Variants in BAIAP2L1 observed in about 807,000 individuals in gnomAD.
BAIAP2L1 encodes BAR/IMD domain containing adaptor protein 2 like 1.
In BAIAP2L1, 35 loss-of-function variants were observed where a neutral mutation model predicts 66.3. That is an observed-to-expected ratio of 0.53 (90% CI 0.40 to 0.70). The LOEUF is 0.70. Ranked by LOEUF, BAIAP2L1 falls within the 30% of genes least tolerant of loss-of-function variation. BAIAP2L1 has a pLI of 0.00. For missense variants in BAIAP2L1, 622 were observed against 656.9 expected (o/e 0.95, Z 0.58); for synonymous variants, 269 against 248.7 (o/e 1.08, Z -0.77).
chr7:98,292,915 C>T lies in BAIAP2L1; in HGVS notation c.*606G>A. 1 of 1,401,058 alleles carries T rather than the reference C, an allele frequency of 7.1e-7. No homozygotes were observed. The allele number at this position is 1,401,058 out of a possible 1,614,324, so 86.8% of individuals were successfully genotyped here. A position where few individuals can be genotyped will look rare whatever the true frequency, so the allele number is the denominator to read the frequency against. On this transcript the variant is annotated 3_prime_UTR_variant, in exon 14 of 14. Coordinates refer to ENST00000005260, the MANE Select transcript of BAIAP2L1 (RefSeq NM_018842.5). ...GTGCTACGTGTGGCTGTGATAAGGG[C>T]AGGCAAAGCGTCTTAGCACTCTACA...
In BAIAP2L1 at chr7:98,380,755, T is replaced by TA. The variant is rs1269682331; in HGVS notation, c.52-18324dup. ...CGGTCCGTTTTTTTTTTTTTTTTAATAAAAAAAAAAAGGAACCACCACCAC... is the reference window on the plus strand; with the variant it reads ...CGGTCCGTTTTTTTTTTTTTTTTAATAAAAAAAAAAAAGGAACCACCACCAC... On this transcript the variant is annotated intron_variant, in intron 1 of 13. Transcript: ENST00000005260. 6.5e-3 allele frequency among the ~76,000 whole-genome samples: 749 copies of TA among 114,730 alleles called. 9 individuals are homozygous for TA. The highest frequency in any genetic ancestry group is 0.021 in the African/African-American group (657 of 30,892). The allele number at this position is 114,730 out of a possible 152,430, so 75.3% of individuals were successfully genotyped here.
At chr7:98,301,448 T>C (rs944720081) in intron 12 of BAIAP2L1, among the ~76,000 whole-genome samples, 1 of 150,032 alleles carries the variant, frequency 6.7e-6, no homozygotes, top group Non-Finnish European at 1.5e-5. Flanking sequence ...AATGAAAGCC[T>C]GAAAGCCTTC....
At chr7:98,319,964 C>T (rs1392093900) in intron 5 of BAIAP2L1, 94 bp downstream of exon 5, 1 of 981,466 alleles carries the variant, frequency 1.0e-6, no homozygotes, top group Admixed American at 2.2e-5. Context: ...TCTCTCCTGT[C>T]TGCTGCTGAT....
rs575946500 is a variant in BAIAP2L1, at chr7:98,339,097, T to G, written c.214+15945A>C. Among the ~76,000 whole-genome samples, 64 of 151,744 alleles carry G rather than the reference T, an allele frequency of 4.2e-4. No individual in the cohort carries two copies. The Middle Eastern group carries it at 0.01, about 24-fold the overall frequency. ...TTAAAAAAAAAAAAAAAAAAAGACT[T>G]TGTGTGGGCATATGTTTCATTTCCC... On this transcript the variant is annotated intron_variant, in intron 3 of 13. Coordinates refer to ENST00000005260, the MANE Select transcript of BAIAP2L1 (RefSeq NM_018842.5).
chr7:98,394,671 C>G (rs1803158076), intron 1 of BAIAP2L1, among the ~76,000 whole-genome samples: 1 of 152,180 alleles, frequency 6.6e-6, no homozygotes. Context: ...AATCAATCAG[C>G]AGTTTCTCCT....
At chr7:98,379,836 T>C (rs1213791816) in intron 1 of BAIAP2L1, among the ~76,000 whole-genome samples, 1 of 152,186 alleles carries the variant, frequency 6.6e-6, no homozygotes, top group East Asian at 1.9e-4. Context: ...TGACTCTATT[T>C]ACAAAAAGTA....
chr7:98,302,126 C>T (rs913354038), intron 12 of BAIAP2L1, among the ~76,000 whole-genome samples: 1 of 152,214 alleles, frequency 6.6e-6, no homozygotes, highest in African/African-American at 2.4e-5. Flanking sequence ...CTCCCCAGTG[C>T]TAAGTAAGGA....
Position 98,343,897 on chromosome 7 carries a change from C to A in BAIAP2L1, c.214+11145G>T, listed in dbSNP as rs577668833. ...CACAGCTGTGTTCCAATAAAACTTT[C>A]CTGGCCGGCACAAAGGCTCACGCCT... On this transcript the variant is annotated intron_variant, in intron 3 of 13. Coordinates refer to ENST00000005260, the MANE Select transcript of BAIAP2L1 (RefSeq NM_018842.5). Among the ~76,000 whole-genome samples, 16 of 152,238 alleles carry A rather than the reference C, an allele frequency of 1.1e-4. No individual in the cohort carries two copies. In the South Asian group the frequency reaches 3.3e-3, roughly 32 times the overall value.
chr7:98,384,693 C>CTTTTTTTTTT (rs11413562), intron 1 of BAIAP2L1, among the ~76,000 whole-genome samples: 2 of 118,796 alleles, frequency 1.7e-5, no homozygotes, highest in African/African-American at 3.1e-5. Flanking sequence ...ATCATTCTAC[C>CTTTTTTTTTT]TTTTTTTTTT....
chr7:98,292,236 A>G lies in BAIAP2L1; in HGVS notation c.*1285T>C. On this transcript the variant is annotated 3_prime_UTR_variant, in exon 14 of 14. Transcript: ENST00000005260. The stretch of plus-strand genomic sequence containing the variant: ...AGGAGAGGGGATAAGTCACAGCCCC[A>G]GCACCCAGCAACACACACGGTGAGC... 1 of 245,076 alleles carries G rather than the reference A, an allele frequency of 4.1e-6. No homozygotes were observed. The highest frequency in any genetic ancestry group is 8.1e-6 in the Non-Finnish European group (1 of 122,712). The allele number at this position is 245,076 out of a possible 1,614,324, so 15.2% of individuals were successfully genotyped here. A position where few individuals can be genotyped will look rare whatever the true frequency, so the allele number is the denominator to read the frequency against.
chr7:98,370,428 T>C (rs550121418), intron 1 of BAIAP2L1, among the ~76,000 whole-genome samples: 3 of 152,226 alleles, frequency 2.0e-5, no homozygotes, highest in African/African-American at 7.2e-5. Context: ...TACTGAGTTT[T>C]TAAGCTTGAA....
chr7:98,385,951 C>G, intron 1 of BAIAP2L1: 1 of 1,469,614 alleles, frequency 6.8e-7, no homozygotes, highest in Non-Finnish European at 9.4e-7. Flanking sequence ...TTTTACTTTT[C>G]TAACGAAGAC....
At chr7:98,348,898 C>CT (rs1801936700) in intron 3 of BAIAP2L1, among the ~76,000 whole-genome samples, 2 of 152,264 alleles carry the variant, frequency 1.3e-5, no homozygotes, top group South Asian at 4.1e-4. Context: ...CCGAGCATCT[C>CT]TTAGGTGCCA....
rs538258324 is a variant in BAIAP2L1, at chr7:98,377,921, AG to A, written c.52-15490del. ...GACGGGCGGATCACCTGAGGTCAGGAGTTCGAGACCAGCCTGGCCAACACAT... is the reference window on the plus strand; with the variant it reads ...GACGGGCGGATCACCTGAGGTCAGGATTCGAGACCAGCCTGGCCAACACAT... On this transcript the variant is annotated intron_variant, in intron 1 of 13. Transcript: ENST00000005260. Among the ~76,000 whole-genome samples, 4 of 149,244 alleles carry A rather than the reference AG, an allele frequency of 2.7e-5. No homozygotes were observed. The East Asian group carries it at 8.1e-4, about 30-fold the overall frequency.
chr7:98,369,249 G>A (rs565209993), intron 1 of BAIAP2L1, among the ~76,000 whole-genome samples: 6 of 152,268 alleles, frequency 3.9e-5, no homozygotes, highest in African/African-American at 1.4e-4. Flanking sequence ...TTGGGAGGCC[G>A]AGGGAGGTGG....
rs767359020 is a variant in BAIAP2L1 at position 98,362,436 on chromosome 7, CCAAA to C, written c.52-8_52-5del. On this transcript the variant is annotated splice_polypyrimidine_tract_variant and splice_region_variant and intron_variant, in intron 1 of 13. Transcript: ENST00000005260. Reference sequence around the variant, plus strand: ...GATTGAACTGTTCCATAACATTCTGCCAAACAAACAAAACACACAAATTAATAAA... The same window carrying C: ...GATTGAACTGTTCCATAACATTCTGCCAAACAAAACACACAAATTAATAAA... 3.8e-6 allele frequency: 6 copies of C among 1,590,920 alleles called. No individual in the cohort carries two copies. The highest frequency in any genetic ancestry group is 2.3e-5 in the South Asian group (2 of 85,848).
At chr7:98,321,867 G>A (rs932954338) in intron 3 of BAIAP2L1, among the ~76,000 whole-genome samples, 1 of 152,186 alleles carries the variant, frequency 6.6e-6, no homozygotes, top group African/African-American at 2.4e-5. Context: ...GGAGGCTGAG[G>A]TGGGAGTATC....
chr7:98,304,358 G>A lies in BAIAP2L1; in HGVS notation c.1260C>T (p.Ser420=), dbSNP rs1421739212. 1 of 1,613,550 alleles carries A rather than the reference G, an allele frequency of 6.2e-7. No individual in the cohort carries two copies. The highest frequency in any genetic ancestry group is 8.5e-7 in the Non-Finnish European group (1 of 1,179,742). ...TCTCAGACAAGTTCACGGTGCTGAT[G>A]CTTCTCACTGGTGTGGGGCTCAAAC... is the stretch of plus-strand genomic sequence containing the variant. ...VPTPSPTPVR[S]ISTVNLSENS... Residue 420 remains serine, a synonymous_variant, in exon 12 of 14, where the codon AGC becomes AGT. Transcript: ENST00000005260.
At chr7:98,336,538 C>T (rs1263553716) in intron 3 of BAIAP2L1, among the ~76,000 whole-genome samples, 1 of 152,182 alleles carries the variant, frequency 6.6e-6, no homozygotes, top group Non-Finnish European at 1.5e-5. Context: ...ATCGCCTGAA[C>T]CCAGAAGGCA....
Sources: allele counts gnomAD v4.1 joint callset (sites outside exome capture counted in the v4.1 genomes callset), GRCh38; gene constraint gnomAD v4.1.1; transcripts MANE v1.5; gene names NCBI Gene and HGNC (gene_info 2026-07-23, HGNC 2026-07-21).